CACNA2D3: variants seen among roughly 807,000 people sequenced by gnomAD.
The protein encoded by CACNA2D3 is voltage-dependent calcium channel subunit alpha-2/delta-3.
In CACNA2D3, 60 loss-of-function variants were observed where a neutral mutation model predicts 160.6. The observed-to-expected ratio is 0.37, with a 90% confidence interval of 0.30 to 0.46. The LOEUF (loss-of-function observed/expected upper bound fraction) is 0.46. CACNA2D3 is among the 20% of genes least tolerant of loss of function. The pLI is 1.00. For missense variants in CACNA2D3, 1,205 were observed against 1,365.0 expected, an observed-to-expected ratio of 0.88 and a Z score of 1.85; for synonymous variants, 558 against 492.9, an observed-to-expected ratio of 1.13 and a Z score of -1.75.
At chr3:54,673,669 G>A (rs1336009350) in intron 11 of CACNA2D3, among the ~76,000 whole-genome samples, 1 of 152,164 alleles carries the variant, frequency 6.6e-6, no homozygotes, top group Non-Finnish European at 1.5e-5. Flanking sequence ...AAATAACTTT[G>A]AAAAATATCA....
intron 11 of CACNA2D3, among the ~76,000 whole-genome samples, chr3:54,675,355 C>T (rs1700220794): frequency 6.6e-6 from 1 of 152,058 alleles, no homozygotes; most frequent in Admixed American, 6.6e-5. Context: ...AGGACACACA[C>T]AAGGAGTTTG....
chr3:55,021,884 A>G (rs192684638), intron 35 of CACNA2D3, among the ~76,000 whole-genome samples: 87 of 152,056 alleles, frequency 5.7e-4, no homozygotes, highest in Non-Finnish European at 7.4e-4. Context: ...TGTGGTCTGT[A>G]TAACACATCT....
At chr3:54,734,521 A>G (rs1229409457) in intron 11 of CACNA2D3, among the ~76,000 whole-genome samples, 1 of 152,232 alleles carries the variant, frequency 6.6e-6, no homozygotes, top group Non-Finnish European at 1.5e-5. Flanking sequence ...GAAAGACTCT[A>G]AAGAGTAACT....
rs1180393560 is a variant in CACNA2D3 at position 54,535,260 on chromosome 3, G to GT, written c.545-27533dup. Among the ~76,000 whole-genome samples, 7 of 152,230 alleles carry GT rather than the reference G, an allele frequency of 4.6e-5. No individual in the cohort carries two copies. In the South Asian group the frequency reaches 8.3e-4, roughly 18 times the overall value. The stretch of plus-strand genomic sequence containing the variant: ...TCTGGAGAGAGTGCCCAGCAATCTT[G>GT]TTTTTTTACAAGTCCTCCAGTTGAT... On this transcript the variant is annotated intron_variant, in intron 5 of 37. Transcript: ENST00000474759.
chr3:54,488,869 G>A (rs993579371), intron 4 of CACNA2D3, among the ~76,000 whole-genome samples: 12 of 152,114 alleles, frequency 7.9e-5, no homozygotes, highest in Admixed American at 1.3e-4. Flanking sequence ...GGACAGGCTC[G>A]TGAGGCTCCA....
chr3:54,888,510 G>A (rs1575532683), intron 24 of CACNA2D3, among the ~76,000 whole-genome samples: 2 of 152,136 alleles, frequency 1.3e-5, no homozygotes, highest in African/African-American at 2.4e-5. Flanking sequence ...GGGGAAGGCC[G>A]TGGTAGTTGA....
intron 2 of CACNA2D3, among the ~76,000 whole-genome samples, chr3:54,282,779 A>G (rs1253746646): frequency 6.6e-6 from 1 of 152,198 alleles, no homozygotes; most frequent in Non-Finnish European, 1.5e-5. Context: ...TTTCAATGTG[A>G]GAGAATAAAA....
chr3:54,503,437 G>C, intron 4 of CACNA2D3, 55 bp from the exon 5 acceptor site: 1 of 1,555,442 alleles, frequency 6.4e-7, no homozygotes, highest in Non-Finnish European at 8.9e-7. Context: ...GTCTAAGTGA[G>C]TTCACAGCCC....
chr3:54,566,236 A>G (rs376149100), intron 6 of CACNA2D3, among the ~76,000 whole-genome samples: 2 of 152,262 alleles, frequency 1.3e-5, no homozygotes, highest in East Asian at 3.9e-4. Flanking sequence ...AAGTCTTCCT[A>G]GTACCTGCCC....
At chr3:54,306,812 G>A (rs1354023860) in intron 2 of CACNA2D3, among the ~76,000 whole-genome samples, 2 of 152,206 alleles carry the variant, frequency 1.3e-5, no homozygotes, top group African/African-American at 4.8e-5. Context: ...CTATGTTACT[G>A]TGTGTGTTAA....
chr3:54,934,328 T>C (rs565908240), intron 27 of CACNA2D3, among the ~76,000 whole-genome samples: 66 of 152,330 alleles, frequency 4.3e-4, no homozygotes, highest in African/African-American at 1.5e-3. Context: ...TAGTTCCCTC[T>C]TGAGCCGTTC....
At chr3:54,852,801 T>C (rs1699086408) in intron 17 of CACNA2D3, among the ~76,000 whole-genome samples, 2 of 152,202 alleles carry the variant, frequency 1.3e-5, no homozygotes, top group Non-Finnish European at 2.9e-5. Flanking sequence ...GAATATGTGT[T>C]AAATGCTAAC....
intron 29 of CACNA2D3, among the ~76,000 whole-genome samples, chr3:54,980,563 TAC>T (rs1432689582): frequency 1.3e-5 from 2 of 152,240 alleles, no homozygotes; most frequent in East Asian, 3.9e-4. Flanking sequence ...AAATACATGT[TAC>T]AGTGTTAACT....
At chr3:54,709,504 G>T (rs1686040172) in intron 11 of CACNA2D3, among the ~76,000 whole-genome samples, 1 of 152,070 alleles carries the variant, frequency 6.6e-6, no homozygotes, top group Non-Finnish European at 1.5e-5. Context: ...GGGACTGCAG[G>T]TGTACATCAC....
intron 11 of CACNA2D3, among the ~76,000 whole-genome samples, chr3:54,660,794 A>C (rs982638445): frequency 6.6e-6 from 1 of 152,096 alleles, no homozygotes; most frequent in South Asian, 2.1e-4. Flanking sequence ...GCCTCCCACA[A>C]GAGCCTTTGT....
intron 2 of CACNA2D3, among the ~76,000 whole-genome samples, chr3:54,199,414 A>G (rs1002989987): frequency 6.6e-6 from 1 of 152,086 alleles, no homozygotes; most frequent in African/African-American, 2.4e-5. Flanking sequence ...CCCAGGCTGG[A>G]GTGCAGTGGT....
chr3:54,249,891 T>C (rs968881809), intron 2 of CACNA2D3, among the ~76,000 whole-genome samples: 1 of 152,168 alleles, frequency 6.6e-6, no homozygotes, highest in Non-Finnish European at 1.5e-5. Flanking sequence ...AAAACAATTA[T>C]GCCATGATGA....
At chr3:54,457,068 C>G (rs758334204) in intron 4 of CACNA2D3, among the ~76,000 whole-genome samples, 8 of 149,938 alleles carry the variant, frequency 5.3e-5, no homozygotes, top group African/African-American at 7.3e-5. Flanking sequence ...TTTTTTTGTT[C>G]TGTTGGTCTC....
intron 11 of CACNA2D3, among the ~76,000 whole-genome samples, chr3:54,716,844 T>C (rs1398947692): frequency 6.6e-6 from 1 of 152,146 alleles, no homozygotes; most frequent in African/African-American, 2.4e-5. Context: ...AATTATTTTT[T>C]AAAAGACTTT....
Sources: allele counts gnomAD v4.1 joint callset (sites outside exome capture counted in the v4.1 genomes callset), GRCh38; gene constraint gnomAD v4.1.1; transcripts MANE v1.5; gene names NCBI Gene and HGNC (gene_info 2026-07-23, HGNC 2026-07-21).